HIPK2: variants seen among roughly 807,000 people sequenced by gnomAD.
HIPK2 encodes the protein homeodomain interacting protein kinase 2, also known as homeodomain-interacting protein kinase 2.
HIPK2 carries 27 observed loss-of-function variants against 113.7 expected under a neutral mutation model. That is an observed-to-expected ratio of 0.24 (90% CI 0.17 to 0.33). The LOEUF is 0.33. Ranked by LOEUF, HIPK2 falls within the 10% of genes least tolerant of loss-of-function variation. The pLI is 1.00. For synonymous variants in HIPK2, 631 were observed against 642.2 expected, an observed-to-expected ratio of 0.98 and a Z score of 0.26; for missense variants, 1,257 against 1,588.0, an observed-to-expected ratio of 0.79 and a Z score of 3.54.
chr7:139,671,399 T>C (rs1331174059), intron 2 of HIPK2, among the ~76,000 whole-genome samples: 1 of 152,234 alleles, frequency 6.6e-6, no homozygotes, highest in Non-Finnish European at 1.5e-5. Context: ...GCGTGACATT[T>C]TTTCTAACAT....
intron 13 of HIPK2, among the ~76,000 whole-genome samples, chr7:139,579,314 C>T (rs1251984824): frequency 2.0e-5 from 3 of 152,280 alleles, no homozygotes; most frequent in South Asian, 4.2e-4. Context: ...AGCAAGAATT[C>T]GGAGCATTCA....
rs116801033 is a variant in HIPK2, at chr7:139,745,725, C to G, written c.20-28710G>C. Among the ~76,000 whole-genome samples the G allele has an allele frequency of 5.1e-3, 782 of 152,280 alleles. 7 individuals are homozygous for G. Among genetic ancestry groups the G allele is most frequent in the African/African-American group, 0.017 (723 of 41,538 alleles). ...TCACCTTCCACACCCCCCTCACCCC[C>G]CAACTTCCAGGCAGTGGCCAGGCCT... On this transcript the variant is annotated intron_variant, in intron 1 of 14. Transcript: ENST00000406875.
chr7:139,762,354 G>A (rs1414689972), intron 1 of HIPK2, among the ~76,000 whole-genome samples: 1 of 152,220 alleles, frequency 6.6e-6, no homozygotes, highest in East Asian at 1.9e-4. Flanking sequence ...CAATTTTTAA[G>A]AGGGGTGCTG....
In HIPK2 at chr7:139,614,306, A is replaced by G; in HGVS notation, c.1970T>C (p.Val657Ala). 6.5e-7 allele frequency: 1 copy of G among 1,533,830 alleles called. No individual in the cohort carries two copies. Residue 657 changes from valine to alanine, a missense_variant, in exon 8 of 15, where the codon GTG (valine) becomes GCG (alanine). By Grantham distance (64) the Val-to-Ala change is moderately conservative. This residue lies in a region of HIPK2 where 862 missense variants were observed against 1,004.3 expected (regional missense o/e 0.86). Transcript: ENST00000406875. ...CTTACCTTGGAAGCCGGGGGGACAC[A>G]CGATGAGAGCTTGCTGGAACGGGTC... Reference protein sequence around the residue: ...RPDPFQQALIVCPPGFQGLQA... With the variant: ...RPDPFQQALIACPPGFQGLQA...
At chr7:139,622,374 A>G (rs959399297) in intron 6 of HIPK2, among the ~76,000 whole-genome samples, 1 of 152,204 alleles carries the variant, frequency 6.6e-6, no homozygotes, top group African/African-American at 2.4e-5. Flanking sequence ...CTAAGTACCA[A>G]GGTCTTGTGC....
chr7:139,600,320 C>A, intron 11 of HIPK2, 97 bp downstream of exon 11: 1 of 1,365,820 alleles, frequency 7.3e-7, no homozygotes, highest in East Asian at 2.4e-5. Context: ...GCAACTGTCC[C>A]ATGTTCAGAG....
intron 2 of HIPK2, among the ~76,000 whole-genome samples, chr7:139,674,437 A>G (rs1802421830): frequency 6.6e-6 from 1 of 152,234 alleles, no homozygotes; most frequent in Non-Finnish European, 1.5e-5. Flanking sequence ...GAAGAGCGCA[A>G]ATCCATCCTG....
intron 1 of HIPK2, among the ~76,000 whole-genome samples, chr7:139,736,443 GTGTCAGGGTGGCCAAGGTGC>G (rs921311901): frequency 6.6e-6 from 1 of 152,210 alleles, no homozygotes; most frequent in African/African-American, 2.4e-5. Context: ...GCACACACCA[GTGTCAGGGTGGCCAAGGTGC>G]TTCCCTGAGG....
chr7:139,708,118 C>A, intron 2 of HIPK2, among the ~76,000 whole-genome samples: 1 of 151,984 alleles, frequency 6.6e-6, no homozygotes, highest in East Asian at 1.9e-4. Flanking sequence ...GCCGGCCGCA[C>A]CCTCTCACCT....
At chr7:139,672,474 T>C (rs1184425222) in intron 2 of HIPK2, among the ~76,000 whole-genome samples, 1 of 151,472 alleles carries the variant, frequency 6.6e-6, no homozygotes, top group Admixed American at 6.6e-5. Flanking sequence ...ACAAGTAACT[T>C]TTTTTTTTGA....
intron 2 of HIPK2, among the ~76,000 whole-genome samples, chr7:139,651,130 C>T (rs1801444005): frequency 6.6e-6 from 1 of 152,142 alleles, no homozygotes; most frequent in Non-Finnish European, 1.5e-5. Flanking sequence ...AGGTCAGCAC[C>T]CCCTGATACC....
rs142333230 is a variant in HIPK2 at position 139,599,232 on chromosome 7, A to T, written c.2435+1185T>A. Among the ~76,000 whole-genome samples the T allele has an allele frequency of 3.9e-5, 6 of 152,218 alleles. No individual in the cohort carries two copies. The East Asian group carries it at 1.2e-3, about 29-fold the overall frequency. The stretch of plus-strand genomic sequence containing the variant: ...TCTCTCTCTCTCTCTCTGGCTTGGA[A>T]ATCTCCATTTTTTAAAAAGTCAGGT... On this transcript the variant is annotated intron_variant, in intron 11 of 14. Coordinates refer to ENST00000406875, the MANE Select transcript of HIPK2 (RefSeq NM_022740.5).
intron 1 of HIPK2, among the ~76,000 whole-genome samples, chr7:139,755,781 G>A (rs1014292764): frequency 2.0e-5 from 3 of 152,206 alleles, no homozygotes; most frequent in Non-Finnish European, 4.4e-5. Context: ...GGAGGGCTTC[G>A]GTACGGTGTC....
intron 2 of HIPK2, among the ~76,000 whole-genome samples, chr7:139,674,831 C>T (rs10261979): frequency 6.6e-6 from 1 of 152,050 alleles, no homozygotes; most frequent in Non-Finnish European, 1.5e-5. Flanking sequence ...CTCCTGGTAG[C>T]GCTTACGATG....
intron 12 of HIPK2, among the ~76,000 whole-genome samples, chr7:139,588,055 C>T (rs190599921): frequency 4.0e-4 from 60 of 151,844 alleles, no homozygotes; most frequent in African/African-American, 1.2e-3. Flanking sequence ...CAGTGGCTCA[C>T]ACCTGTAATC....
intron 2 of HIPK2, among the ~76,000 whole-genome samples, chr7:139,707,719 C>A (rs992327518): frequency 2.0e-5 from 3 of 152,162 alleles, no homozygotes; most frequent in Non-Finnish European, 4.4e-5. Context: ...GGCACATCTT[C>A]GGAATTCAAA....
At chr7:139,651,214 G>A (rs902331334) in intron 2 of HIPK2, among the ~76,000 whole-genome samples, 1 of 152,070 alleles carries the variant, frequency 6.6e-6, no homozygotes, top group Non-Finnish European at 1.5e-5. Context: ...TTCTAAAAAG[G>A]TAGGAGGCAC....
In HIPK2 at chr7:139,703,498, T is replaced by C. The variant is rs1350786328; in HGVS notation, c.1103+12434A>G. Among the ~76,000 whole-genome samples, 8 of 152,136 alleles carry C rather than the reference T, an allele frequency of 5.3e-5. No homozygotes were observed. In the East Asian group the frequency reaches 1.5e-3, roughly 29 times the overall value. On this transcript the variant is annotated intron_variant, in intron 2 of 14. Coordinates refer to ENST00000406875, the MANE Select transcript of HIPK2 (RefSeq NM_022740.5). ...ACAAAGAAGTGGCACCAACAGTTTGTCCCTCATGTTCTGGCCAAATAAATT... is the reference window on the plus strand; with the variant it reads ...ACAAAGAAGTGGCACCAACAGTTTGCCCCTCATGTTCTGGCCAAATAAATT...
intron 1 of HIPK2, among the ~76,000 whole-genome samples, chr7:139,729,541 C>T (rs114975958): frequency 0.041 from 6,250 of 152,268 alleles, 421 homozygotes; most frequent in African/African-American, 0.14. Flanking sequence ...CCCTCAGCAT[C>T]GAGGAGGAGC....
Sources: allele counts gnomAD v4.1 joint callset (sites outside exome capture counted in the v4.1 genomes callset), GRCh38; gene constraint gnomAD v4.1.1; regional missense constraint gnomAD v4.1.1; transcripts MANE v1.5; gene names NCBI Gene and HGNC (gene_info 2026-07-23, HGNC 2026-07-21).